GPATCH2: variants seen among roughly 807,000 people sequenced by gnomAD.
The protein encoded by GPATCH2 is G-patch domain containing 2, also known as G patch domain-containing protein 2.
Under a neutral mutation model 58.0 loss-of-function variants are expected in GPATCH2, and 51 were observed. That is an observed-to-expected ratio of 0.88 (90% CI 0.70 to 1.11). The LOEUF (loss-of-function observed/expected upper bound fraction) is 1.11, where lower values mean the gene tolerates loss of function less well. Ranked by LOEUF, GPATCH2 falls within the 50% of genes most tolerant of loss-of-function variation. The pLI, the probability that GPATCH2 is intolerant of heterozygous loss-of-function variation, is 0.00. For synonymous variants in GPATCH2, 222 were observed against 218.5 expected (o/e 1.02, Z -0.14); for missense variants, 625 against 652.2 (o/e 0.96, Z 0.45).
rs188800788 is a variant in GPATCH2, at chr1:217,606,812, A to G, written c.1098+3509T>C. On this transcript the variant is annotated intron_variant, in intron 5 of 9. Coordinates refer to ENST00000366935, the MANE Select transcript of GPATCH2 (RefSeq NM_018040.5). ...TTGACTCATGATACAAATGTTCTCT[A>G]AGTCCCAGCTATTGTGTTTAATATA... is the stretch of plus-strand genomic sequence containing the variant. Among the ~76,000 whole-genome samples, 31 of 152,284 alleles carry G rather than the reference A, an allele frequency of 2.0e-4. No individual in the cohort carries two copies. In the East Asian group the frequency reaches 4.1e-3, roughly 20 times the overall value.
At chr1:217,534,231 A>C (rs368808606) in intron 5 of GPATCH2, among the ~76,000 whole-genome samples, 9 of 152,096 alleles carry the variant, frequency 5.9e-5, no homozygotes, top group African/African-American at 1.7e-4. Flanking sequence ...TAAATAAATA[A>C]ATGAAAATAA....
In GPATCH2 at chr1:217,619,825, T is replaced by C; in HGVS notation, c.731A>G (p.Glu244Gly). ...ATCTGAGACTTTTTGCTCTTCACAT[T>C]CCATTTTGTCCTTATTGGTCTGGTT... ...ETNQTNKDKMECEEQKVSDEL... is the reference protein window; with the variant it reads ...ETNQTNKDKMGCEEQKVSDEL... Residue 244 changes from glutamate to glycine, a missense_variant, in exon 2 of 10, where the codon GAA becomes GGA. Glu to Gly is a moderately conservative substitution (Grantham distance 98). Transcript: ENST00000366935. 6.2e-7 allele frequency: 1 copy of C among 1,607,658 alleles called. No homozygotes were observed. The highest frequency in any genetic ancestry group is 8.5e-7 in the Non-Finnish European group (1 of 1,177,098).
chr1:217,531,062 C>T (rs1391699339), intron 5 of GPATCH2, among the ~76,000 whole-genome samples: 1 of 109,662 alleles, frequency 9.1e-6, no homozygotes, highest in East Asian at 3.9e-4. Flanking sequence ...CACACACACA[C>T]ACACACACAC....
intron 9 of GPATCH2, among the ~76,000 whole-genome samples, chr1:217,436,982 C>A (rs925508215): frequency 3.3e-5 from 5 of 152,116 alleles, no homozygotes; most frequent in African/African-American, 1.2e-4. Flanking sequence ...CAGCTCCCAG[C>A]GAGATCAATG....
intron 8 of GPATCH2, among the ~76,000 whole-genome samples, chr1:217,449,616 G>A (rs1243752131): frequency 2.0e-5 from 3 of 152,130 alleles, no homozygotes; most frequent in African/African-American, 7.2e-5. Flanking sequence ...ATAAAATCAA[G>A]CACTGTTGCT....
intron 5 of GPATCH2, among the ~76,000 whole-genome samples, chr1:217,551,736 A>G (rs914931028): frequency 6.6e-6 from 1 of 152,140 alleles, no homozygotes; most frequent in Non-Finnish European, 1.5e-5. Flanking sequence ...ATTTATATCC[A>G]TTAACACAAT....
intron 5 of GPATCH2, among the ~76,000 whole-genome samples, chr1:217,548,382 C>A (rs531510116): frequency 1.3e-5 from 2 of 152,098 alleles, no homozygotes; most frequent in Non-Finnish European, 2.9e-5. Flanking sequence ...ATGTAACAAA[C>A]CTGCACAGGT....
intron 5 of GPATCH2, among the ~76,000 whole-genome samples, chr1:217,532,625 G>A (rs1664248615): frequency 6.6e-6 from 1 of 152,078 alleles, no homozygotes; most frequent in Admixed American, 6.6e-5. Flanking sequence ...AGGAGAAGGT[G>A]GTAGGGAAGA....
At position 217,524,914 on chromosome 1, in the gene GPATCH2, G is replaced by A. The variant is rs1200794962; in HGVS notation, c.1099-10025C>T. Among the ~76,000 whole-genome samples, 51 of 8,778 alleles carry A rather than the reference G, an allele frequency of 5.8e-3. 15 individuals carry two copies. Among genetic ancestry groups the A allele is most frequent in the Non-Finnish European group, 9.6e-3 (42 of 4,388 alleles). 5.8% of individuals were successfully genotyped at this position (8,778 alleles called of 152,430 possible). A position where few individuals can be genotyped will look rare whatever the true frequency, so the allele number is the denominator to read the frequency against. On this transcript the variant is annotated intron_variant, in intron 5 of 9. Transcript: ENST00000366935. ...AGGGGGGAGGGGGGAGGGGGGAGGGGGAGGGGGGAGAGGGGAGAGGGGAGA... is the reference window on the plus strand; with the variant it reads ...AGGGGGGAGGGGGGAGGGGGGAGGGAGAGGGGGGAGAGGGGAGAGGGGAGA...
At chr1:217,510,588 G>T (rs1031178060) in intron 6 of GPATCH2, among the ~76,000 whole-genome samples, 1 of 151,756 alleles carries the variant, frequency 6.6e-6, no homozygotes, top group African/African-American at 2.4e-5. Flanking sequence ...GTTCATTGAT[G>T]AGTACGTCTT....
At chr1:217,467,002 G>A (rs961382405) in intron 8 of GPATCH2, among the ~76,000 whole-genome samples, 2 of 152,112 alleles carry the variant, frequency 1.3e-5, no homozygotes, top group African/African-American at 2.4e-5. Context: ...GTGAAATCCC[G>A]TCTCTACTAA....
chr1:217,620,165 T>C lies in GPATCH2; in HGVS notation c.391A>G (p.Asn131Asp). The change falls in exon 2 of 10, where the codon AAC becomes GAC. Residue 131 changes from asparagine (N) to aspartate (D), a missense_variant. Transcript: ENST00000366935. ...MLVAKRRPSS[N>D]LNNNVRGKRP... is the part of the protein sequence containing the mutation. ...TTCCCTCGAACATTATTATTTAAGT[T>C]TGATGACGGCCTGCGCTTTGCTACT... The C allele has an allele frequency of 1.2e-6, 2 of 1,614,138 alleles. No individual in the cohort carries two copies. The highest frequency in any genetic ancestry group is 1.7e-6 in the Non-Finnish European group (2 of 1,179,974).
chr1:217,610,900 G>A lies in GPATCH2; in HGVS notation c.1007C>T (p.Pro336Leu), dbSNP rs1454320851. 1.9e-6 allele frequency: 3 copies of A among 1,610,416 alleles called. No individual in the cohort carries two copies. Among genetic ancestry groups the A allele is most frequent in the Non-Finnish European group, 2.5e-6 (3 of 1,177,714 alleles). ...CCAGTGCTACTGACCTCTTCTGCTT[G>A]GGTGTGACATAAGGGGAAAAGAACC... ...LTGSFPLMSHPSRRGFQARLS... is the reference protein window; with the variant it reads ...LTGSFPLMSHLSRRGFQARLS... Residue 336 changes from proline (P) to leucine (L), a missense_variant, in exon 4 of 10, where the codon CCA (proline) becomes CTA (leucine). Transcript: ENST00000366935.
chr1:217,510,237 A>T (rs1662778508), intron 6 of GPATCH2, among the ~76,000 whole-genome samples: 1 of 152,262 alleles, frequency 6.6e-6, no homozygotes, highest in East Asian at 1.9e-4. Flanking sequence ...GCAAGGATTT[A>T]ATTTTATATC....
chr1:217,546,472 C>G (rs1274774943), intron 5 of GPATCH2, among the ~76,000 whole-genome samples: 5 of 152,178 alleles, frequency 3.3e-5, no homozygotes, highest in Non-Finnish European at 7.3e-5. Context: ...CTGCAACAAT[C>G]TGATCTATGA....
intron 9 of GPATCH2, among the ~76,000 whole-genome samples, chr1:217,441,695 A>C (rs1446064197): frequency 2.0e-5 from 3 of 152,350 alleles, no homozygotes; most frequent in East Asian, 3.9e-4. Context: ...ATATGAACAG[A>C]CACTTCTCAA....
At chr1:217,488,398 A>T (rs1661553196) in intron 8 of GPATCH2, among the ~76,000 whole-genome samples, 1 of 152,114 alleles carries the variant, frequency 6.6e-6, no homozygotes, top group Non-Finnish European at 1.5e-5. Context: ...TGCTTTATAC[A>T]TTTTGAGGTT....
intron 5 of GPATCH2, among the ~76,000 whole-genome samples, chr1:217,515,538 T>C (rs1203242673): frequency 2.0e-5 from 3 of 151,942 alleles, no homozygotes; most frequent in Non-Finnish European, 4.4e-5. Context: ...TGAAACCCCA[T>C]CTCTATTACA....
intron 9 of GPATCH2, among the ~76,000 whole-genome samples, chr1:217,435,089 T>G (rs1318607928): frequency 6.6e-6 from 1 of 152,192 alleles, no homozygotes; most frequent in Admixed American, 6.5e-5. Flanking sequence ...TCATCCTTCT[T>G]TTATGAGATT....
Sources: gnomAD v4.1 joint callset for allele counts (sites outside exome capture counted in the v4.1 genomes callset) on GRCh38, gnomAD v4.1.1 for gene constraint, MANE v1.5 for transcripts, NCBI Gene and HGNC (gene_info 2026-07-23, HGNC 2026-07-21) for gene names.